Variants in NDUFAF6 observed in about 807,000 individuals in gnomAD.
NDUFAF6 encodes the protein NADH dehydrogenase (ubiquinone) complex I, assembly factor 6.
A neutral mutation model predicts 40.8 loss-of-function variants in NDUFAF6; 45 were observed. The ratio of observed to expected loss-of-function variants is 1.10; its 90% CI spans 0.87 to 1.42. NDUFAF6 has a LOEUF of 1.42. Ranked by LOEUF, NDUFAF6 falls within the 40% of genes most tolerant of loss-of-function variation. NDUFAF6 has a pLI of 0.00. For synonymous variants in NDUFAF6, 185 were observed against 155.9 expected (o/e 1.19, Z -1.39); for missense variants, 435 against 418.5 (o/e 1.04, Z -0.34).
At chr8:95,052,758 T>C (rs1464964305) in intron 8 of NDUFAF6, among the ~76,000 whole-genome samples, 3 of 152,348 alleles carry the variant, frequency 2.0e-5, no homozygotes, top group Middle Eastern at 3.4e-3. Flanking sequence ...TCTTCTTTTT[T>C]AGTAAGACTT....
chr8:95,074,794 C>T (rs576844006), intron 9 of NDUFAF6, among the ~76,000 whole-genome samples: 1 of 152,272 alleles, frequency 6.6e-6, no homozygotes, highest in East Asian at 1.9e-4. Context: ...CATTTACTTC[C>T]TCACTGGTTT....
At chr8:95,076,160 A>T (rs1833013462) in exon 10 of NDUFAF6, 1 of 153,260 alleles carries the variant, frequency 6.5e-6, no homozygotes, top group Non-Finnish European at 1.5e-5. Flanking sequence ...ACAATTCACA[A>T]TTTTCTGGAA....
At chr8:94,896,236 C>A (rs2131140567) in intron 1 of NDUFAF6, among the ~76,000 whole-genome samples, 1 of 148,908 alleles carries the variant, frequency 6.7e-6, no homozygotes, top group East Asian at 2.0e-4. Flanking sequence ...ATCGCCACCA[C>A]GTGCAGGCCC....
At chr8:95,001,132 T>C (rs1291124849) in intron 2 of NDUFAF6, among the ~76,000 whole-genome samples, 1 of 151,804 alleles carries the variant, frequency 6.6e-6, no homozygotes, top group African/African-American at 2.4e-5. Context: ...TTTTTAAAAT[T>C]TTTAATAGGG....
At chr8:95,036,308 C>T in intron 3 of NDUFAF6, 1 of 1,285,124 alleles carries the variant, frequency 7.8e-7, no homozygotes, top group Non-Finnish European at 1.0e-6. Flanking sequence ...GCAGTGATTG[C>T]CAAAAGAGGG....
chr8:95,055,154 C>G (rs1464265089), intron 8 of NDUFAF6: 1 of 152,090 alleles, frequency 6.6e-6, no homozygotes, highest in Non-Finnish European at 1.5e-5. Context: ...AAAAGCAATA[C>G]ATTTTCGTAG....
At chr8:94,981,881 T>C (rs1038151189) in intron 2 of NDUFAF6, among the ~76,000 whole-genome samples, 1 of 151,596 alleles carries the variant, frequency 6.6e-6, no homozygotes, top group African/African-American at 2.4e-5. Flanking sequence ...TGAGCTGTCA[T>C]TGTGCCACTG....
intron 2 of NDUFAF6, among the ~76,000 whole-genome samples, chr8:94,997,341 C>CAGAGAGAGAGAG (rs1469014187): frequency 1.1e-5 from 1 of 91,798 alleles, no homozygotes; most frequent in Admixed American, 1.3e-4. Flanking sequence ...CACACACACA[C>CAGAGAGAGAGAG]ACAGAGAGAG....
At position 95,027,015 on chromosome 8, in the gene NDUFAF6, C is replaced by A. The variant is rs542436186; in HGVS notation, c.197+1810C>A. Among the ~76,000 whole-genome samples, 25 of 152,296 alleles carry A rather than the reference C, an allele frequency of 1.6e-4. No individual in the cohort carries two copies. The South Asian group carries it at 5.0e-3, about 30-fold the overall frequency. ...GAGCCGAGTTTGCTCCATTGCACTC[C>A]AGCTGGGGCAACAGAGCAAGACCCT... On this transcript the variant is annotated intron_variant, in intron 1 of 8. Transcript: ENST00000396124.
intron 8 of NDUFAF6, chr8:95,055,177 C>T (rs1162326770): frequency 1.3e-5 from 2 of 152,088 alleles, no homozygotes; most frequent in African/African-American, 2.4e-5. Context: ...AAGATTTGGA[C>T]AATATAAACA....
intron 9 of NDUFAF6, chr8:95,067,471 G>A (rs969150578): frequency 2.6e-5 from 4 of 151,862 alleles, no homozygotes; most frequent in Non-Finnish European, 1.5e-5. Context: ...TTCCTGCCCG[G>A]GGCACTGTCT....
intron 2 of NDUFAF6, among the ~76,000 whole-genome samples, chr8:94,986,019 G>T (rs1297315710): frequency 6.6e-6 from 1 of 151,832 alleles, no homozygotes; most frequent in Non-Finnish European, 1.5e-5. Flanking sequence ...GACTACAGGC[G>T]TGTGCCACCA....
intron 2 of NDUFAF6, among the ~76,000 whole-genome samples, chr8:94,982,660 C>A (rs890954384): frequency 7.2e-5 from 11 of 152,244 alleles, no homozygotes; most frequent in African/African-American, 2.7e-4. Context: ...GAGGCAGGCA[C>A]CCTCCCATTA....
chr8:95,108,919 T>C (rs1486838146), intron 4 of NDUFAF6, among the ~76,000 whole-genome samples: 1 of 152,220 alleles, frequency 6.6e-6, no homozygotes, highest in Non-Finnish European at 1.5e-5. Flanking sequence ...TTATGTTAAG[T>C]ATATTTTACC....
chr8:94,989,750 G>A (rs1051456950), intron 2 of NDUFAF6, among the ~76,000 whole-genome samples: 3 of 152,078 alleles, frequency 2.0e-5, no homozygotes, highest in African/African-American at 7.2e-5. Context: ...TTCACGTGTT[G>A]CACATCACAA....
At chr8:94,896,290 G>T (rs1191130640) in intron 1 of NDUFAF6, among the ~76,000 whole-genome samples, 5 of 148,526 alleles carry the variant, frequency 3.4e-5, no homozygotes, top group Non-Finnish European at 7.5e-5. Context: ...CCGCCAGCGC[G>T]CCCTGCGGAG....
At chr8:94,979,881 G>A (rs368180008) in intron 1 of NDUFAF6, among the ~76,000 whole-genome samples, 2 of 152,176 alleles carry the variant, frequency 1.3e-5, no homozygotes, top group South Asian at 4.1e-4. Context: ...GATCACTTGA[G>A]GCCAGTAGTT....
downstream of NDUFAF6, among the ~76,000 whole-genome samples, chr8:95,079,170 C>G (rs1425165560): frequency 6.6e-6 from 1 of 152,030 alleles, no homozygotes; most frequent in Non-Finnish European, 1.5e-5. Context: ...CGGGATTTCT[C>G]CATGTTGGTC....
intron 1 of NDUFAF6, among the ~76,000 whole-genome samples, chr8:94,915,070 T>TC (rs1196115194): frequency 1.3e-5 from 2 of 151,848 alleles, no homozygotes; most frequent in African/African-American, 4.8e-5. Flanking sequence ...TTTCCCCTAT[T>TC]CCCCCCTCCC....
Sources: allele counts gnomAD v4.1 joint callset (sites outside exome capture counted in the v4.1 genomes callset), GRCh38; gene constraint gnomAD v4.1.1; transcripts MANE v1.5; gene names NCBI Gene and HGNC (gene_info 2026-07-23, HGNC 2026-07-21).